Variants in CAMSAP1 observed in about 807,000 individuals in gnomAD.
CAMSAP1 encodes the protein calmodulin regulated spectrin associated protein 1.
In CAMSAP1, 58 loss-of-function variants were observed where a neutral mutation model predicts 143.5. The ratio of observed to expected loss-of-function variants is 0.40; its 90% CI spans 0.33 to 0.50. The LOEUF (loss-of-function observed/expected upper bound fraction) is 0.50. CAMSAP1 is among the 20% of genes least tolerant of loss of function. The pLI, the probability that CAMSAP1 is intolerant of heterozygous loss-of-function variation, is 0.45. For synonymous variants in CAMSAP1, 945 were observed against 859.3 expected (o/e 1.10, Z -1.74); for missense variants, 1,969 against 2,115.7 (o/e 0.93, Z 1.36).
chr9:135,865,273 C>T (rs1837334795), intron 4 of CAMSAP1: 1 of 1,521,208 alleles, frequency 6.6e-7, no homozygotes, highest in Non-Finnish European at 8.9e-7. Context: ...TTAATGGAAG[C>T]AAGTGATCGC....
At chr9:135,874,483 G>GC (rs967918611) in intron 3 of CAMSAP1, among the ~76,000 whole-genome samples, 1 of 150,020 alleles carries the variant, frequency 6.7e-6, no homozygotes, top group Admixed American at 6.6e-5. Flanking sequence ...AAAAAAGGGG[G>GC]GGGGGGGCCA....
intron 5 of CAMSAP1, among the ~76,000 whole-genome samples, chr9:135,861,688 C>T (rs747832312): frequency 1.3e-5 from 2 of 152,114 alleles, no homozygotes; most frequent in African/African-American, 2.4e-5. Context: ...CCAGTAGGAA[C>T]AAGATCAATG....
chr9:135,897,867 T>C (rs933956655), intron 1 of CAMSAP1, among the ~76,000 whole-genome samples: 15 of 152,228 alleles, frequency 9.9e-5, no homozygotes, highest in African/African-American at 3.6e-4. Flanking sequence ...CAAAGGTTAC[T>C]GATAACAGGG....
At chr9:135,905,008 G>A (rs1838733490) in intron 1 of CAMSAP1, among the ~76,000 whole-genome samples, 1 of 151,640 alleles carries the variant, frequency 6.6e-6, no homozygotes, top group East Asian at 1.9e-4. Context: ...TAAAATCGGA[G>A]TCTGATGTGC....
Position 135,882,957 on chromosome 9 carries a change from G to A in CAMSAP1, c.282C>T (p.Leu94=), listed in dbSNP as rs755989478. ...SSELYCRVCS[L]ILKGDQVAAL... The stretch of plus-strand genomic sequence containing the variant: ...CGGCCACCTGGTCCCCTTTCAGGAT[G>A]AGGCTGCAGACACGGCAGTACAGCT... Residue 94 remains leucine, a synonymous_variant, in exon 2 of 17, where the codon CTC becomes CTT. Coordinates refer to ENST00000389532, the MANE Select transcript of CAMSAP1 (RefSeq NM_015447.4). This position sits in a 1 kb window ranked among gnomAD's most constrained non-coding sequence, Gnocchi z 4.9. 6.4e-7 allele frequency: 1 copy of A among 1,551,790 alleles called. No individual in the cohort carries two copies. The highest frequency in any genetic ancestry group is 8.7e-7 in the Non-Finnish European group (1 of 1,147,016).
At chr9:135,817,693 T>C (rs1835279995) in intron 14 of CAMSAP1, 1 of 348,210 alleles carries the variant, frequency 2.9e-6, no homozygotes, top group Admixed American at 4.4e-5. Flanking sequence ...GCCACCACGC[T>C]TGGACTCCAA....
At chr9:135,895,746 T>A (rs1179705580) in intron 1 of CAMSAP1, among the ~76,000 whole-genome samples, 7 of 152,054 alleles carry the variant, frequency 4.6e-5, no homozygotes, top group Non-Finnish European at 8.8e-5. Context: ...TATTTAAAAG[T>A]GGAGAGAGCA....
At position 135,820,914 on chromosome 9, in the gene CAMSAP1, C is replaced by T. The variant is rs1374294168; in HGVS notation, c.3747G>A (p.Glu1249=). The T allele has an allele frequency of 6.2e-7, 1 of 1,613,840 alleles. No homozygotes were observed. Among genetic ancestry groups the T allele is most frequent in the East Asian group, 2.2e-5 (1 of 44,882 alleles). Reference sequence around the variant, plus strand: ...CCGCCGAGCCATCGAGGCTTACCAGCTCCCCATCCTCGTCGGGGGCCTTCA... The same window carrying T: ...CCGCCGAGCCATCGAGGCTTACCAGTTCCCCATCCTCGTCGGGGGCCTTCA... The part of the protein sequence containing the change: ...SDLKAPDEDG[E]LVSLDGSADL... The change falls in exon 11 of 17, where the codon GAG becomes GAA. Residue 1249 remains glutamate, a synonymous_variant. Transcript: ENST00000389532. This position sits in a 1 kb window ranked among gnomAD's most constrained non-coding sequence, Gnocchi z 4.4.
At chr9:135,849,093 T>C (rs1353513213) in intron 7 of CAMSAP1, among the ~76,000 whole-genome samples, 3 of 152,170 alleles carry the variant, frequency 2.0e-5, no homozygotes, top group African/African-American at 4.8e-5. Context: ...AATAAACCCA[T>C]CGTAAACTGA....
chr9:135,881,357 CAAAA>C (rs757023319), intron 3 of CAMSAP1, among the ~76,000 whole-genome samples: 1 of 114,636 alleles, frequency 8.7e-6, no homozygotes, highest in Non-Finnish European at 1.9e-5. Context: ...GACCCTGTCT[CAAAA>C]AAAAAAAAAA....
chr9:135,865,408 C>T (rs1425441760), intron 4 of CAMSAP1: 2 of 1,543,668 alleles, frequency 1.3e-6, no homozygotes, highest in South Asian at 2.4e-5. Context: ...GGAGCATCAG[C>T]AGAGCAGGTC....
intron 3 of CAMSAP1, among the ~76,000 whole-genome samples, chr9:135,872,497 G>A (rs1348622227): frequency 6.6e-6 from 1 of 152,092 alleles, no homozygotes; most frequent in East Asian, 1.9e-4. Context: ...AACAGAAACA[G>A]ACCAGATGGT....
Position 135,818,148 on chromosome 9 carries a change from C to G in CAMSAP1, c.4169-69G>C. ...ACAGACAAGTACCTGTCCCCTGTAC[C>G]TGTTCCCCTCACCTCGCCCTGCAGA... On this transcript the variant is annotated intron_variant, in intron 13 of 16. Coordinates refer to ENST00000389532, the MANE Select transcript of CAMSAP1 (RefSeq NM_015447.4). The surrounding 1 kb of genome is among the most constrained non-coding windows in gnomAD (Gnocchi z 7.7). 6.8e-7 allele frequency: 1 copy of G among 1,479,956 alleles called. No individual in the cohort carries two copies. The highest frequency in any genetic ancestry group is 9.3e-7 in the Non-Finnish European group (1 of 1,071,976). The allele number at this position is 1,479,956 out of a possible 1,614,324, so 91.7% of individuals were successfully genotyped here. A position where few individuals can be genotyped will look rare whatever the true frequency, so the allele number is the denominator to read the frequency against.
At position 135,821,190 on chromosome 9, in the gene CAMSAP1, A is replaced by G. The variant is rs765818735; in HGVS notation, c.3471T>C (p.Ser1157=). The G allele has an allele frequency of 6.2e-7, 1 of 1,610,044 alleles. No individual in the cohort carries two copies. Among genetic ancestry groups the G allele is most frequent in the South Asian group, 1.1e-5 (1 of 91,084 alleles). ...AGAGACACTTCCCATGTGGGTCACC[A>G]CTGGGCTCCAGGGCACTGTCCAGGC... ...DPGLDSALEP[S]GDPHGKCLFD... The change falls in exon 11 of 17, where the codon AGT becomes AGC. Residue 1157 remains serine, a synonymous_variant. Transcript: ENST00000389532. The surrounding 1 kb of genome is among the most constrained non-coding windows in gnomAD (Gnocchi z 4.6).
At chr9:135,870,431 C>G (rs1394190996) in intron 3 of CAMSAP1, among the ~76,000 whole-genome samples, 1 of 152,152 alleles carries the variant, frequency 6.6e-6, no homozygotes, top group African/African-American at 2.4e-5. Flanking sequence ...TTATAAATTA[C>G]CCAGTCTTGG....
chr9:135,881,505 A>G, intron 3 of CAMSAP1, 128 bp downstream of exon 3: 1 of 1,093,972 alleles, frequency 9.1e-7, no homozygotes, highest in Non-Finnish European at 1.3e-6. Context: ...ATTTCTGGAC[A>G]CAAAATATGA....
In CAMSAP1 at chr9:135,821,085, C is replaced by G; in HGVS notation, c.3576G>C (p.Ser1192=). ...LSSSKDANIL[S]EQMSLKEVLD... is the part of the protein sequence containing the mutation. ...GAACTTCTTTGAGGCTCATCTGCTC[C>G]GAAAGAATGTTGGCATCTTTGGAAG... Residue 1192 remains serine, a synonymous_variant, in exon 11 of 17, where the codon TCG becomes TCC. Transcript: ENST00000389532. The surrounding 1 kb of genome is among the most constrained non-coding windows in gnomAD (Gnocchi z 4.6). 6.2e-7 allele frequency: 1 copy of G among 1,613,948 alleles called. No individual in the cohort carries two copies. The highest frequency in any genetic ancestry group is 8.5e-7 in the Non-Finnish European group (1 of 1,179,888).
At chr9:135,905,827 G>C (rs999347418) in intron 1 of CAMSAP1, among the ~76,000 whole-genome samples, 2 of 152,188 alleles carry the variant, frequency 1.3e-5, no homozygotes, top group African/African-American at 2.4e-5. Flanking sequence ...GTCCGCTCTC[G>C]GGCTGTTCTT....
At chr9:135,841,407 G>A (rs1420050031) in intron 7 of CAMSAP1, among the ~76,000 whole-genome samples, 1 of 152,208 alleles carries the variant, frequency 6.6e-6, no homozygotes, top group Non-Finnish European at 1.5e-5. Context: ...AGGGGAAGGG[G>A]TGGCTATGGG....
Sources: allele counts gnomAD v4.1 joint callset (sites outside exome capture counted in the v4.1 genomes callset), GRCh38; gene constraint gnomAD v4.1.1; non-coding constraint Gnocchi (gnomAD v3.1); transcripts MANE v1.5; gene names NCBI Gene and HGNC (gene_info 2026-07-23, HGNC 2026-07-21).